Variants in SYNE3 observed in about 807,000 individuals in gnomAD.
The protein encoded by SYNE3 is spectrin repeat containing nuclear envelope family member 3.
Under a neutral mutation model 111.2 loss-of-function variants are expected in SYNE3, and 100 were observed. The observed-to-expected ratio is 0.90, with a 90% CI of 0.77 to 1.06. SYNE3 has a LOEUF of 1.06. SYNE3 is among the 50% of genes least tolerant of loss of function. The pLI, the probability that SYNE3 is intolerant of heterozygous loss-of-function variation, is 0.00. For synonymous variants in SYNE3, 547 were observed against 533.9 expected (o/e 1.02, Z -0.34); for missense variants, 1,160 against 1,240.3 (o/e 0.94, Z 0.97).
intron 4 of SYNE3, among the ~76,000 whole-genome samples, chr14:95,460,768 C>T (rs1329716161): frequency 1.3e-5 from 2 of 152,166 alleles, no homozygotes; most frequent in Admixed American, 6.5e-5. Context: ...CCTCCATCAA[C>T]AGGAAAGGCT....
Position 95,407,807 on chromosome 14 carries a change from C to CCATT in SYNE3, c.*10015_*10018dup, listed in dbSNP as rs1369932885. ...CACACACACACACACACACCCCATG[C>CCATT]CATTGCTTGGTCCACACTGCATGAA... On this transcript the variant is annotated 3_prime_UTR_variant, in exon 18 of 18. Transcript: ENST00000682763. 2 of 151,728 alleles carry CCATT rather than the reference C, an allele frequency of 1.3e-5. No homozygotes were observed. Among genetic ancestry groups the CCATT allele is most frequent in the African/African-American group, 4.8e-5 (2 of 41,254 alleles). The allele number at this position is 151,728 out of a possible 1,614,324, so 9.4% of individuals were successfully genotyped here.
chr14:95,444,350 C>A (rs987984176), intron 10 of SYNE3, 135 bp downstream of exon 10: 1 of 1,183,028 alleles, frequency 8.5e-7, no homozygotes. Flanking sequence ...GGTGAAAGGT[C>A]AGATCTCAAC....
Position 95,475,695 on chromosome 14 carries a change from T to C in SYNE3, c.127A>G (p.Arg43Gly). 1 of 1,581,582 alleles carries C rather than the reference T, an allele frequency of 6.3e-7. No individual in the cohort carries two copies. The highest frequency in any genetic ancestry group is 2.3e-5 in the East Asian group (1 of 43,640). The part of the protein sequence containing the change: ...TQGPRAALEA[R>G]LWETEKICQL... The stretch of plus-strand genomic sequence containing the variant: ...CTGCATACCTCGGTCTCCCACAGCC[T>C]GGCCTCCAGGGCCGCGCGGGGTCCC... Residue 43 changes from arginine to glycine, a missense_variant, in exon 2 of 18, where the codon AGG becomes GGG. By Grantham distance (125) the Arg-to-Gly change is moderately radical (BLOSUM62 -2). Coordinates refer to ENST00000682763, the MANE Select transcript of SYNE3 (RefSeq NM_152592.6).
chr14:95,505,961 C>T (rs1222432142), intron 1 of SYNE3, among the ~76,000 whole-genome samples: 2 of 152,192 alleles, frequency 1.3e-5, no homozygotes, highest in Non-Finnish European at 2.9e-5. Context: ...TAAAAAGCTA[C>T]AGATAAGCAG....
At chr14:95,443,095 GT>G in intron 11 of SYNE3, 59 bp downstream of exon 11, 1 of 1,599,486 alleles carries the variant, frequency 6.3e-7, no homozygotes, top group Non-Finnish European at 8.5e-7. Context: ...GGCCCCAGGC[GT>G]GTTGGATGAC....
intron 7 of SYNE3, chr14:95,452,026 T>C: frequency 4.6e-6 from 2 of 439,032 alleles, no homozygotes; most frequent in Non-Finnish European, 7.8e-6. Context: ...CTAGCCTGGA[T>C]AAATGCAAAG....
At chr14:95,449,425 AGTT>A (rs772628340) in intron 8 of SYNE3, 17 of 985,266 alleles carry the variant, frequency 1.7e-5, no homozygotes, top group Non-Finnish European at 1.8e-5. Context: ...ATCCGGAGCC[AGTT>A]GTTGTTCATG....
chr14:95,407,899 G>A lies in SYNE3; in HGVS notation c.*9927C>T, dbSNP rs1903324221. On this transcript the variant is annotated 3_prime_UTR_variant, in exon 18 of 18. Coordinates refer to ENST00000682763, the MANE Select transcript of SYNE3 (RefSeq NM_152592.6). The stretch of plus-strand genomic sequence containing the variant: ...GTGTAACCAGGTCTCCAGGTACAAA[G>A]GATGAAGTGGGTTTGCTCACATAGA... 1 of 152,176 alleles carries A rather than the reference G, an allele frequency of 6.6e-6. No homozygotes were observed. Among genetic ancestry groups the A allele is most frequent in the Non-Finnish European group, 1.5e-5 (1 of 68,050 alleles). 9.4% of individuals were successfully genotyped at this position (152,176 alleles called of 1,614,324 possible).
At chr14:95,512,311 C>A (rs566427019) in intron 1 of SYNE3, among the ~76,000 whole-genome samples, 1 of 152,238 alleles carries the variant, frequency 6.6e-6, no homozygotes, top group Admixed American at 6.5e-5. Context: ...CTTTTAATTT[C>A]ATTTGTATTA....
At chr14:95,456,122 T>C in intron 5 of SYNE3, 1 of 305,938 alleles carries the variant, frequency 3.3e-6, no homozygotes, top group Non-Finnish European at 5.9e-6. Context: ...TATTTGGAAT[T>C]GGCACCATCT....
At chr14:95,456,109 A>G in intron 5 of SYNE3, 1 of 324,626 alleles carries the variant, frequency 3.1e-6, no homozygotes, top group Admixed American at 4.7e-5. Flanking sequence ...GTGGTTATCT[A>G]CCTATTTGGA....
chr14:95,497,446 C>T (rs934190360), intron 1 of SYNE3, among the ~76,000 whole-genome samples: 3 of 88,394 alleles, frequency 3.4e-5, no homozygotes, highest in African/African-American at 5.7e-5. Context: ...ACAGTTTTCC[C>T]GAGGGGAGAA....
rs144581860 is a variant in SYNE3 at position 95,466,225 on chromosome 14, C to T, written c.333G>A (p.Val111=). 3.7e-5 allele frequency: 59 copies of T among 1,576,020 alleles called. No homozygotes were observed. In the African/African-American group the frequency reaches 6.7e-4, roughly 18 times the overall value. ...GCAGGTACTCGCTCCAGTGCAGCCA[C>T]ACCCACTCGATGCGGCTGTGGGCAC... ...MTHCHSRIEW[V]WLHWSEYLLA... is the part of the protein sequence containing the mutation. The change falls in exon 4 of 18, where the codon GTG becomes GTA. Residue 111 remains valine, a synonymous_variant. Transcript: ENST00000682763.
Position 95,496,227 on chromosome 14 carries a change from T to A in SYNE3, c.-15+20369A>T, listed in dbSNP as rs188448157. 3.3e-5 allele frequency among the ~76,000 whole-genome samples: 5 copies of A among 152,336 alleles called. No individual in the cohort carries two copies. In the East Asian group the frequency reaches 9.7e-4, roughly 29 times the overall value. On this transcript the variant is annotated intron_variant, in intron 1 of 17. Coordinates refer to ENST00000682763, the MANE Select transcript of SYNE3 (RefSeq NM_152592.6). ...TCAAAGCCTATGCCAGACACTGTGG[T>A]CAGTGTTGAAGATCACAGAGATGAA...
chr14:95,480,949 G>A (rs1334205437), intron 1 of SYNE3, among the ~76,000 whole-genome samples: 1 of 152,232 alleles, frequency 6.6e-6, no homozygotes, highest in Non-Finnish European at 1.5e-5. Flanking sequence ...TCTCAGCTGA[G>A]CTCTGTGGCC....
rs549626246 is a variant in SYNE3, at chr14:95,504,836, GAAA to G, written c.-15+11757_-15+11759del. Among the ~76,000 whole-genome samples, 481 of 151,868 alleles carry G rather than the reference GAAA, an allele frequency of 3.2e-3. 4 individuals carry two copies. The highest frequency in any genetic ancestry group is 0.011 in the African/African-American group (461 of 41,408). ...CCTCTATCTAAAAAAAAAGAAAAAA[GAAA>G]AAAGAAAAAAGACAATAGGAGCCTC... is the stretch of plus-strand genomic sequence containing the variant. On this transcript the variant is annotated intron_variant, in intron 1 of 17. Transcript: ENST00000682763.
rs532026707 is a variant in SYNE3, at chr14:95,494,412, C to T, written c.-14-18577G>A. Among the ~76,000 whole-genome samples, 12 of 152,212 alleles carry T rather than the reference C, an allele frequency of 7.9e-5. No homozygotes were observed. The East Asian group carries it at 2.1e-3, about 27-fold the overall frequency. ...AGATGAGAAGTGGGAAAGGGCATAA[C>T]GAGTGGATGGACTGGCGAGACCAAA... On this transcript the variant is annotated intron_variant, in intron 1 of 17. Coordinates refer to ENST00000682763, the MANE Select transcript of SYNE3 (RefSeq NM_152592.6).
At chr14:95,513,904 G>T (rs1444737840) in intron 1 of SYNE3, among the ~76,000 whole-genome samples, 1 of 151,786 alleles carries the variant, frequency 6.6e-6, no homozygotes, top group Non-Finnish European at 1.5e-5. Flanking sequence ...GCCATGTGGT[G>T]CCAGGAAGAG....
At chr14:95,486,631 C>T (rs755357756) in intron 1 of SYNE3, among the ~76,000 whole-genome samples, 25 of 152,256 alleles carry the variant, frequency 1.6e-4, no homozygotes, top group Admixed American at 7.2e-4. Flanking sequence ...TAAACCCCAG[C>T]GGCCCATGGA....
Sources: gnomAD v4.1 joint callset for allele counts (sites outside exome capture counted in the v4.1 genomes callset) on GRCh38, gnomAD v4.1.1 for gene constraint, MANE v1.5 for transcripts, NCBI Gene and HGNC (gene_info 2026-07-23, HGNC 2026-07-21) for gene names.